The following LYN variants were observed in gnomAD, a reference collection of about 807,000 sequenced individuals.
LYN encodes the protein tyrosine-protein kinase Lyn.
LYN carries 12 observed loss-of-function variants against 65.0 expected under a neutral mutation model. That is an observed-to-expected ratio of 0.18 (90% CI 0.12 to 0.30). The LOEUF is 0.30. LYN is among the 10% of genes least tolerant of loss of function. The probability of loss-of-function intolerance (pLI) is 1.00; values close to 1 mark genes in which losing one functional copy is unlikely to be tolerated. For missense variants in LYN, 380 were observed against 623.2 expected (o/e 0.61, Z 4.16); for synonymous variants, 222 against 221.2 (o/e 1.00, Z -0.03).
At chr8:55,997,159 CAA>C (rs11412762) in intron 10 of LYN, among the ~76,000 whole-genome samples, 20 of 100,440 alleles carry the variant, frequency 2.0e-4, no homozygotes, top group Admixed American at 3.2e-4. Flanking sequence ...GAGACTGTCT[CAA>C]AAAAAAAAAA....
intron 8 of LYN, among the ~76,000 whole-genome samples, chr8:55,955,872 G>A (rs1807091785): frequency 6.6e-6 from 1 of 152,208 alleles, no homozygotes. Context: ...TTATGGCTGA[G>A]TAATATTCCA....
chr8:55,981,571 G>C (rs975436108), intron 10 of LYN, among the ~76,000 whole-genome samples: 2 of 151,950 alleles, frequency 1.3e-5, no homozygotes, highest in African/African-American at 4.8e-5. Flanking sequence ...GTTTAGGCTG[G>C]TCTTGAACTC....
chr8:55,977,961 G>A (rs1393879520), intron 10 of LYN, among the ~76,000 whole-genome samples: 1 of 151,988 alleles, frequency 6.6e-6, no homozygotes, highest in African/African-American at 2.4e-5. Context: ...GTCTCTAAAG[G>A]GTACACTCTG....
At chr8:55,982,302 G>T (rs1035228170) in intron 10 of LYN, among the ~76,000 whole-genome samples, 6 of 151,272 alleles carry the variant, frequency 4.0e-5, no homozygotes, top group African/African-American at 1.2e-4. Context: ...TTCAGATTTG[G>T]TTTTGTTTTT....
At chr8:55,928,881 A>G (rs1204787976) in intron 1 of LYN, among the ~76,000 whole-genome samples, 1 of 151,960 alleles carries the variant, frequency 6.6e-6, no homozygotes, top group Non-Finnish European at 1.5e-5. Flanking sequence ...CTCCTATGTT[A>G]TCTCCTAGGA....
At chr8:55,910,571 C>T (rs1805570575) in intron 1 of LYN, among the ~76,000 whole-genome samples, 1 of 152,112 alleles carries the variant, frequency 6.6e-6, no homozygotes, top group Non-Finnish European at 1.5e-5. Flanking sequence ...AATTTGAAGT[C>T]AAGTAATATG....
At chr8:55,934,590 G>A (rs1039668367) in intron 1 of LYN, among the ~76,000 whole-genome samples, 1 of 152,188 alleles carries the variant, frequency 6.6e-6, no homozygotes, top group African/African-American at 2.4e-5. Context: ...TTGACAGGCA[G>A]AATGAGGGGA....
chr8:56,005,236 C>A (rs1354950248), intron 12 of LYN, among the ~76,000 whole-genome samples: 2 of 152,170 alleles, frequency 1.3e-5, no homozygotes, highest in African/African-American at 2.4e-5. Flanking sequence ...TACAGTTTTG[C>A]CCTAATGTCT....
intron 1 of LYN, among the ~76,000 whole-genome samples, chr8:55,904,929 A>T (rs571311970): frequency 6.6e-6 from 1 of 152,052 alleles, no homozygotes; most frequent in Non-Finnish European, 1.5e-5. Flanking sequence ...CTGGCTGCTC[A>T]TTAGAATCAA....
rs111304538 is a variant in LYN, at chr8:55,995,860, G to A, written c.1051-2486G>A. ...TGTTTCCACTCGGAAGTGAAATACTGGACTGAATAGTCTTTGAGACTGATG... is the reference window on the plus strand; with the variant it reads ...TGTTTCCACTCGGAAGTGAAATACTAGACTGAATAGTCTTTGAGACTGATG... On this transcript the variant is annotated intron_variant, in intron 10 of 12. Coordinates refer to ENST00000519728, the MANE Select transcript of LYN (RefSeq NM_002350.4). Among the ~76,000 whole-genome samples, 384 of 152,266 alleles carry A rather than the reference G, an allele frequency of 2.5e-3. 1 individual carries two copies. The highest frequency in any genetic ancestry group is 9.1e-3 in the African/African-American group (377 of 41,550).
intron 10 of LYN, among the ~76,000 whole-genome samples, chr8:55,992,249 A>G (rs1427033966): frequency 1.3e-5 from 2 of 152,142 alleles, no homozygotes; most frequent in Non-Finnish European, 1.5e-5. Context: ...AAAAGATTTT[A>G]TCGGTTTCCC....
chr8:55,895,437 G>T (rs1225004949), intron 1 of LYN: 2 of 134,068 alleles, frequency 1.5e-5, no homozygotes, highest in African/African-American at 5.2e-5. Flanking sequence ...ATTCCAGGTT[G>T]TGAACTTTGG....
At chr8:55,963,024 G>A (rs1195055076) in intron 8 of LYN, among the ~76,000 whole-genome samples, 1 of 152,196 alleles carries the variant, frequency 6.6e-6, no homozygotes, top group Non-Finnish European at 1.5e-5. Context: ...CCATTCATGA[G>A]GGATTCATTC....
intron 2 of LYN, among the ~76,000 whole-genome samples, chr8:55,944,670 G>C: frequency 6.6e-6 from 1 of 152,138 alleles, no homozygotes; most frequent in East Asian, 1.9e-4. Flanking sequence ...TAGTAGAGAT[G>C]GGGTTTTGCC....
intron 1 of LYN, among the ~76,000 whole-genome samples, chr8:55,908,869 A>G (rs1339079294): frequency 2.6e-5 from 4 of 151,764 alleles, no homozygotes; most frequent in Non-Finnish European, 5.9e-5. Flanking sequence ...TGTTTTACTT[A>G]AGATAATGGC....
At chr8:55,921,852 C>T (rs1805955937) in intron 1 of LYN, among the ~76,000 whole-genome samples, 1 of 152,124 alleles carries the variant, frequency 6.6e-6, no homozygotes. Context: ...GCATTTACTC[C>T]ACTGGATACT....
rs184438756 is a variant in LYN at position 55,918,990 on chromosome 8, G to A, written c.-5-22865G>A. On this transcript the variant is annotated intron_variant, in intron 1 of 12. Transcript: ENST00000519728. ...GAGGCAGGAGAATTGCATGAGCTCA[G>A]TTGTTCGAGACCATGGGAGACCCTG... Among the ~76,000 whole-genome samples the A allele has an allele frequency of 2.9e-3, 365 of 125,006 alleles. 1 individual carries two copies. The highest frequency in any genetic ancestry group is 0.011 in the African/African-American group (348 of 33,002). The allele number at this position is 125,006 out of a possible 152,430, so 82.0% of individuals were successfully genotyped here.
At chr8:55,912,726 G>GAAA (rs11366178) in intron 1 of LYN, among the ~76,000 whole-genome samples, 1 of 73,676 alleles carries the variant, frequency 1.4e-5, no homozygotes, top group Non-Finnish European at 3.1e-5. Context: ...GACTCCATCT[G>GAAA]AAAAAAAAAA....
intron 1 of LYN, among the ~76,000 whole-genome samples, chr8:55,911,182 T>TAC (rs755979678): frequency 0.14 from 3,268 of 23,834 alleles, 1,225 homozygotes; most frequent in Non-Finnish European, 0.22. Flanking sequence ...CGTATATATA[T>TAC]ATATATACAC....
Sources: allele counts gnomAD v4.1 joint callset (sites outside exome capture counted in the v4.1 genomes callset), GRCh38; gene constraint gnomAD v4.1.1; transcripts MANE v1.5; gene names NCBI Gene and HGNC (gene_info 2026-07-23, HGNC 2026-07-21).